The following BBS9 variants were observed in gnomAD, a reference collection of about 807,000 sequenced individuals.
BBS9 encodes Bardet-Biedl syndrome 9, also known as protein PTHB1.
In BBS9, 89 loss-of-function variants were observed where a neutral mutation model predicts 117.7. That is an observed-to-expected ratio of 0.76 (90% CI 0.64 to 0.90). The LOEUF is 0.90. Among genes scored for constraint, BBS9 ranks in the 40% least tolerant of loss-of-function variants. BBS9 has a pLI of 0.00. For missense variants in BBS9, 982 were observed against 1,042.2 expected, an observed-to-expected ratio of 0.94 and a Z score of 0.80; for synonymous variants, 379 against 370.9, an observed-to-expected ratio of 1.02 and a Z score of -0.25.
At chr7:33,560,151 G>A (rs534656824) in intron 21 of BBS9, among the ~76,000 whole-genome samples, 3 of 152,226 alleles carry the variant, frequency 2.0e-5, no homozygotes, top group African/African-American at 7.2e-5. Context: ...TTGTGGCTTT[G>A]GTACCCCTAG....
intron 17 of BBS9, among the ~76,000 whole-genome samples, chr7:33,373,209 C>T (rs1299560996): frequency 6.6e-6 from 1 of 151,818 alleles, no homozygotes; most frequent in Admixed American, 6.6e-5. Flanking sequence ...CACTGAGGAG[C>T]GTATTCTTAA....
chr7:33,225,906 ATCC>A (rs1791173223), intron 5 of BBS9, among the ~76,000 whole-genome samples: 1 of 152,094 alleles, frequency 6.6e-6, no homozygotes, highest in African/African-American at 2.4e-5. Context: ...CATTTTACTT[ATCC>A]TCATTGATTT....
intron 2 of BBS9, 95 bp downstream of exon 2, chr7:33,146,459 T>G: frequency 9.9e-7 from 1 of 1,007,976 alleles, no homozygotes; most frequent in East Asian, 2.5e-5. Flanking sequence ...TCAGTTCTTT[T>G]GGGAGGCCGA....
intron 12 of BBS9, among the ~76,000 whole-genome samples, chr7:33,348,726 A>G (rs1029513770): frequency 2.6e-5 from 4 of 152,114 alleles, no homozygotes; most frequent in African/African-American, 9.7e-5. Context: ...AACACATGTT[A>G]TTGTCTGTCC....
chr7:33,494,540 T>G (rs575065954), intron 19 of BBS9, among the ~76,000 whole-genome samples: 2 of 152,180 alleles, frequency 1.3e-5, no homozygotes, highest in Admixed American at 6.6e-5. Flanking sequence ...GTAAACCCAA[T>G]GAATAACATA....
chr7:33,256,436 A>C (rs1452422665), intron 5 of BBS9, among the ~76,000 whole-genome samples: 1 of 152,172 alleles, frequency 6.6e-6, no homozygotes, highest in Non-Finnish European at 1.5e-5. Flanking sequence ...GGTGGGTTAG[A>C]GTATAATGCA....
At chr7:33,379,609 CAT>C (rs1563089546) in intron 17 of BBS9, among the ~76,000 whole-genome samples, 5 of 152,182 alleles carry the variant, frequency 3.3e-5, no homozygotes, top group East Asian at 3.9e-4. Flanking sequence ...CTAAAGAAAA[CAT>C]ATTTTATTAA....
chr7:33,436,764 G>T (rs1419926), intron 19 of BBS9, among the ~76,000 whole-genome samples: 5 of 152,070 alleles, frequency 3.3e-5, no homozygotes, highest in Non-Finnish European at 5.9e-5. Context: ...GCTGATTAAC[G>T]GAAGGGGACG....
intron 20 of BBS9, among the ~76,000 whole-genome samples, chr7:33,507,294 G>A (rs765627398): frequency 6.6e-6 from 1 of 152,186 alleles, no homozygotes; most frequent in Non-Finnish European, 1.5e-5. Context: ...AGACTGGAGT[G>A]CAATGGTGTG....
chr7:33,428,835 G>A (rs778272674), intron 19 of BBS9, among the ~76,000 whole-genome samples: 2 of 152,110 alleles, frequency 1.3e-5, no homozygotes, highest in African/African-American at 4.8e-5. Context: ...TGGTAGTTTT[G>A]CATTGATTTT....
At chr7:33,380,458 C>A (rs953138919) in intron 17 of BBS9, 2 of 153,458 alleles carry the variant, frequency 1.3e-5, no homozygotes, top group African/African-American at 4.8e-5. Flanking sequence ...TTGGACAAGA[C>A]CTGTTCCTTG....
At chr7:33,505,767 ATGC>A (rs1846069811) in intron 20 of BBS9, 122 bp downstream of exon 20, 2 of 1,060,194 alleles carry the variant, frequency 1.9e-6, no homozygotes, top group African/African-American at 3.2e-5. Context: ...TTTTACAAAA[ATGC>A]TGCTTTCCTT....
intron 20 of BBS9, among the ~76,000 whole-genome samples, chr7:33,517,263 C>A (rs185231671): frequency 2.2e-4 from 33 of 152,276 alleles, no homozygotes; most frequent in South Asian, 4.1e-4. Context: ...TCATTTAATC[C>A]TCACCATGTC....
intron 19 of BBS9, among the ~76,000 whole-genome samples, chr7:33,444,797 T>A (rs1836747008): frequency 6.6e-6 from 1 of 152,208 alleles, no homozygotes; most frequent in Non-Finnish European, 1.5e-5. Context: ...AGTCTGTCGC[T>A]GGTGGAGAGG....
At chr7:33,272,003 A>G (rs1024006723) in intron 7 of BBS9, among the ~76,000 whole-genome samples, 6 of 152,184 alleles carry the variant, frequency 3.9e-5, no homozygotes, top group Non-Finnish European at 5.9e-5. Context: ...ATATCCATCA[A>G]AGGTAGACTG....
chr7:33,487,013 T>A lies in BBS9; in HGVS notation c.2116-18450T>A, dbSNP rs546186906. On this transcript the variant is annotated intron_variant, in intron 19 of 22. Coordinates refer to ENST00000242067, the MANE Select transcript of BBS9 (RefSeq NM_198428.3). ...ATTTGTATGTGCTGAACTAATGATGTTTTATTTTATAAATTGGAATTCAAT... is the reference window on the plus strand; with the variant it reads ...ATTTGTATGTGCTGAACTAATGATGATTTATTTTATAAATTGGAATTCAAT... Among the ~76,000 whole-genome samples the A allele has an allele frequency of 1.5e-4, 23 of 152,336 alleles. 1 individual carries two copies. The South Asian group carries it at 4.4e-3, about 29-fold the overall frequency.
intron 5 of BBS9, among the ~76,000 whole-genome samples, chr7:33,245,009 T>C (rs1033433435): frequency 1.3e-5 from 2 of 152,152 alleles, no homozygotes; most frequent in Non-Finnish European, 2.9e-5. Flanking sequence ...TTGTTTTGTA[T>C]TGAAAAGAAA....
intron 19 of BBS9, among the ~76,000 whole-genome samples, chr7:33,500,247 AGT>A (rs1845265133): frequency 6.6e-6 from 1 of 152,244 alleles, no homozygotes; most frequent in Admixed American, 6.5e-5. Flanking sequence ...ATGTATTAGT[AGT>A]GTTCTTCCTT....
At chr7:33,508,665 T>C (rs1260359817) in intron 20 of BBS9, among the ~76,000 whole-genome samples, 1 of 152,170 alleles carries the variant, frequency 6.6e-6, no homozygotes, top group African/African-American at 2.4e-5. Flanking sequence ...GAGGTAAAAT[T>C]ATTAAAAATT....
Sources: gnomAD v4.1 joint callset for allele counts (sites outside exome capture counted in the v4.1 genomes callset) on GRCh38, gnomAD v4.1.1 for gene constraint, MANE v1.5 for transcripts, NCBI Gene and HGNC (gene_info 2026-07-23, HGNC 2026-07-21) for gene names.